Variants in FTCDNL1 observed in about 807,000 individuals in gnomAD.
The protein encoded by FTCDNL1 is formiminotransferase cyclodeaminase N-terminal like, also known as formiminotransferase N-terminal subdomain-containing protein.
FTCDNL1 carries 11 observed loss-of-function variants against 5.9 expected under a neutral mutation model. The observed-to-expected ratio is 1.87, with a 90% CI of 1.18 to 3.10. FTCDNL1 has a LOEUF of 3.10. FTCDNL1 is among the 30% of genes most tolerant of loss of function. The pLI is 0.00. For synonymous variants in FTCDNL1, 58 were observed against 24.8 expected (o/e 2.34, Z -3.99); for missense variants, 115 against 65.5 (o/e 1.76, Z -2.61).
intron 3 of FTCDNL1, among the ~76,000 whole-genome samples, chr2:199,828,266 T>C (rs972938404): frequency 1.3e-5 from 2 of 152,214 alleles, no homozygotes; most frequent in Admixed American, 1.3e-4. Context: ...TATATTTTGA[T>C]TTTCTCAATT....
chr2:199,849,000 C>T, intron 1 of FTCDNL1, 31 bp from the exon 2 acceptor site: 1 of 686,774 alleles, frequency 1.5e-6, no homozygotes, highest in Non-Finnish European at 2.6e-6. Context: ...TTATGTGTCT[C>T]TAGAGTTGAT....
At chr2:199,753,101 T>C in the FTCDNL1 span, among the ~76,000 whole-genome samples, 1 of 152,200 alleles carries the variant, frequency 6.6e-6, no homozygotes, top group Non-Finnish European at 1.5e-5. Context: ...GCTTACGCTC[T>C]AGTGACATAA....
the FTCDNL1 span, among the ~76,000 whole-genome samples, chr2:199,678,528 T>C: frequency 6.6e-6 from 1 of 152,122 alleles, no homozygotes. Context: ...ACACAGTATT[T>C]CCTTGACTGT....
the FTCDNL1 span, among the ~76,000 whole-genome samples, chr2:199,712,614 T>C: frequency 6.6e-6 from 1 of 152,194 alleles, no homozygotes; most frequent in Non-Finnish European, 1.5e-5. Flanking sequence ...ATGTAGTCTC[T>C]CCTAGCTCTG....
intron 3 of FTCDNL1, among the ~76,000 whole-genome samples, chr2:199,775,183 T>C (rs1432130371): frequency 6.6e-6 from 1 of 152,190 alleles, no homozygotes; most frequent in Non-Finnish European, 1.5e-5. Flanking sequence ...ACCAAATGCT[T>C]TGGTGATTAG....
chr2:199,848,895 T>C lies in FTCDNL1; in HGVS notation c.68A>G (p.Lys23Arg), dbSNP rs2076800343. The C allele has an allele frequency of 1.4e-6, 1 of 702,368 alleles. No homozygotes were observed. Among genetic ancestry groups the C allele is most frequent in the Middle Eastern group, 2.3e-4 (1 of 4,364 alleles). 43.5% of individuals were successfully genotyped at this position (702,368 alleles called of 1,614,324 possible). The stretch of plus-strand genomic sequence containing the variant: ...TTTTGCTATGTTCTCAACAATGTAT[T>C]TTCTTCCGGCTTCTGAAACGTTTAG... ...CLLNVSEAGR[K>R]YIVENIAKAA... The change falls in exon 2 of 5, where the codon AAA becomes AGA. Residue 23 changes from lysine (K) to arginine (R), a missense_variant. Physicochemically the swap from Lys to Arg is conservative, Grantham distance 26 (BLOSUM62 2). Coordinates refer to ENST00000420128, the MANE Select transcript of FTCDNL1 (RefSeq NM_001363886.2).
chr2:199,826,606 C>G (rs1189135884), intron 3 of FTCDNL1, among the ~76,000 whole-genome samples: 1 of 152,022 alleles, frequency 6.6e-6, no homozygotes, highest in Non-Finnish European at 1.5e-5. Context: ...CCCAGCCTGG[C>G]CAACATGGTG....
chr2:199,761,652 G>GT (rs918467659), intron 3 of FTCDNL1, among the ~76,000 whole-genome samples: 17 of 152,150 alleles, frequency 1.1e-4, no homozygotes, highest in African/African-American at 4.1e-4. Context: ...CCATGAAATA[G>GT]TAACAGGCTA....
the FTCDNL1 span, among the ~76,000 whole-genome samples, chr2:199,744,467 C>T: frequency 6.7e-6 from 1 of 149,574 alleles, no homozygotes; most frequent in Non-Finnish European, 1.5e-5. Flanking sequence ...GAGAGAGAGA[C>T]AGAGAGAGAA....
At chr2:199,841,414 C>T (rs1393350844) in intron 3 of FTCDNL1, among the ~76,000 whole-genome samples, 1 of 151,744 alleles carries the variant, frequency 6.6e-6, no homozygotes, top group African/African-American at 2.4e-5. Flanking sequence ...TAAATAAATA[C>T]CAATGTCCAA....
At chr2:199,802,947 G>T (rs567842788) in intron 3 of FTCDNL1, among the ~76,000 whole-genome samples, 1 of 152,224 alleles carries the variant, frequency 6.6e-6, no homozygotes, top group East Asian at 1.9e-4. Flanking sequence ...AGTTTGGGAG[G>T]CTGAGGTAGG....
chr2:199,721,149 T>A, the FTCDNL1 span, among the ~76,000 whole-genome samples: 1 of 152,206 alleles, frequency 6.6e-6, no homozygotes, highest in African/African-American at 2.4e-5. Context: ...CCAGGGTACA[T>A]ATGCAGGATG....
the FTCDNL1 span, among the ~76,000 whole-genome samples, chr2:199,730,399 T>A: frequency 1.3e-5 from 2 of 152,272 alleles, no homozygotes; most frequent in East Asian, 3.9e-4. Flanking sequence ...TCAGGGTTAA[T>A]AGGCAATCTA....
chr2:199,723,660 A>C, the FTCDNL1 span, among the ~76,000 whole-genome samples: 1 of 152,054 alleles, frequency 6.6e-6, no homozygotes, highest in Non-Finnish European at 1.5e-5. Flanking sequence ...TTTTGTCTTC[A>C]GTTCCATTTA....
At position 199,812,425 on chromosome 2, in the gene FTCDNL1, T is replaced by C. The variant is rs1437994101; in HGVS notation, c.*280A>G. The C allele has an allele frequency of 2.8e-6, 1 of 362,806 alleles. No homozygotes were observed. Among genetic ancestry groups the C allele is most frequent in the Non-Finnish European group, 4.9e-6 (1 of 205,100 alleles). 22.5% of individuals were successfully genotyped at this position (362,806 alleles called of 1,614,324 possible). A position where few individuals can be genotyped will look rare whatever the true frequency, so the allele number is the denominator to read the frequency against. On this transcript the variant is annotated 3_prime_UTR_variant, in exon 5 of 5. Transcript: ENST00000420128. The stretch of plus-strand genomic sequence containing the variant: ...AGCAGTCCCATTGACCTTATTTAAA[T>C]GCTGAATTTGATTTTTTATGTTAAT...
At chr2:199,725,765 G>T in the FTCDNL1 span, among the ~76,000 whole-genome samples, 1 of 152,178 alleles carries the variant, frequency 6.6e-6, no homozygotes, top group Non-Finnish European at 1.5e-5. Context: ...CTGTTAGTTT[G>T]ATGGGATTCC....
At chr2:199,726,848 T>A in the FTCDNL1 span, among the ~76,000 whole-genome samples, 13 of 152,132 alleles carry the variant, frequency 8.5e-5, 1 homozygote, top group Admixed American at 8.5e-4. Context: ...GTATAAGGTG[T>A]TTGACAACCT....
chr2:199,769,361 T>A (rs1698693328), intron 3 of FTCDNL1, among the ~76,000 whole-genome samples: 1 of 152,100 alleles, frequency 6.6e-6, no homozygotes, highest in Admixed American at 6.6e-5. Context: ...TACTAGTCAA[T>A]AAGTCTCATG....
intron 3 of FTCDNL1, among the ~76,000 whole-genome samples, chr2:199,765,322 T>C (rs763890419): frequency 9.2e-5 from 14 of 151,670 alleles, no homozygotes; most frequent in Non-Finnish European, 1.9e-4. Context: ...ATGTTGATAA[T>C]GGGGTAGGCT....
Sources: allele counts gnomAD v4.1 joint callset (sites outside exome capture counted in the v4.1 genomes callset), GRCh38; gene constraint gnomAD v4.1.1; transcripts MANE v1.5; gene names NCBI Gene and HGNC (gene_info 2026-07-23, HGNC 2026-07-21).